The following CCDC7 variants were observed in gnomAD, a reference collection of about 807,000 sequenced individuals.
CCDC7 encodes coiled-coil domain containing 7.
Under a neutral mutation model 196.9 loss-of-function variants are expected in CCDC7, and 183 were observed. That is an observed-to-expected ratio of 0.93 (90% CI 0.82 to 1.05). The LOEUF is 1.05. Ranked by LOEUF, CCDC7 falls within the 50% of genes least tolerant of loss-of-function variation. CCDC7 has a pLI of 0.00. For missense variants in CCDC7, 1,540 were observed against 1,482.2 expected (o/e 1.04, Z -0.64); for synonymous variants, 525 against 484.6 (o/e 1.08, Z -1.10).
chr10:32,479,670 C>T (rs1219255813), intron 8 of CCDC7, among the ~76,000 whole-genome samples: 2 of 152,034 alleles, frequency 1.3e-5, no homozygotes, highest in African/African-American at 4.8e-5. Flanking sequence ...GTTTTCTTTT[C>T]TCATAGCGTC....
intron 28 of CCDC7, among the ~76,000 whole-genome samples, chr10:32,758,294 CA>C (rs1309293193): frequency 1.3e-5 from 2 of 152,026 alleles, no homozygotes; most frequent in Admixed American, 1.3e-4. Flanking sequence ...AGAGACACAA[CA>C]AAAAAAGAGA....
intron 41 of CCDC7, among the ~76,000 whole-genome samples, chr10:32,870,126 G>A (rs897236216): frequency 1.3e-5 from 2 of 152,056 alleles, no homozygotes; most frequent in South Asian, 4.2e-4. Flanking sequence ...TTCCAATTCT[G>A]TGAAGAAAGT....
At chr10:32,587,992 TA>T (rs1224346702) in intron 18 of CCDC7, among the ~76,000 whole-genome samples, 6 of 152,184 alleles carry the variant, frequency 3.9e-5, no homozygotes, top group Admixed American at 3.9e-4. Flanking sequence ...GCCACATGAA[TA>T]AATTAATCCA....
intron 21 of CCDC7, among the ~76,000 whole-genome samples, chr10:32,668,119 CT>C (rs1385922682): frequency 6.6e-6 from 1 of 152,020 alleles, no homozygotes; most frequent in Non-Finnish European, 1.5e-5. Context: ...GTGTTTTATT[CT>C]CTTTGAAGCA....
chr10:32,595,845 G>T (rs2060281205), intron 18 of CCDC7, among the ~76,000 whole-genome samples: 1 of 152,184 alleles, frequency 6.6e-6, no homozygotes, highest in South Asian at 2.1e-4. Context: ...CCGTGTAGTT[G>T]AGTGGTTTTG....
intron 30 of CCDC7, among the ~76,000 whole-genome samples, chr10:32,806,217 A>G (rs2085815224): frequency 6.6e-6 from 1 of 152,208 alleles, no homozygotes; most frequent in Non-Finnish European, 1.5e-5. Flanking sequence ...AAATCACTGA[A>G]GAAATAAATA....
intron 18 of CCDC7, among the ~76,000 whole-genome samples, chr10:32,611,161 C>T (rs2138748165): frequency 6.6e-6 from 1 of 152,334 alleles, no homozygotes. Flanking sequence ...ATTTGCATTT[C>T]TCTAATGACC....
chr10:32,533,246 A>AACAC (rs58119017), intron 11 of CCDC7, among the ~76,000 whole-genome samples: 50,564 of 144,430 alleles, frequency 0.35, 9,559 homozygotes, highest in Non-Finnish European at 0.45. Flanking sequence ...AAACAAAGGA[A>AACAC]ACACACACAC....
chr10:32,583,334 C>T (rs2058923097), intron 17 of CCDC7, 27 bp downstream of exon 18: 1 of 1,193,894 alleles, frequency 8.4e-7, no homozygotes, highest in East Asian at 3.2e-5. Context: ...AACTTGAAAG[C>T]TGTTTATTTC....
intron 8 of CCDC7, among the ~76,000 whole-genome samples, chr10:32,491,063 G>C (rs777651749): frequency 6.6e-6 from 1 of 152,020 alleles, no homozygotes; most frequent in Non-Finnish European, 1.5e-5. Context: ...TGCTTAGGGT[G>C]TTTACTTTTC....
Position 32,518,437 on chromosome 10 carries a change from G to T in CCDC7, c.925G>T (p.Asp309Tyr). 5 of 1,602,950 alleles carry T rather than the reference G, an allele frequency of 3.1e-6. No homozygotes were observed. Among genetic ancestry groups the T allele is most frequent in the Non-Finnish European group, 4.3e-6 (5 of 1,175,422 alleles). The change falls in exon 11 of 42, where the codon GAT becomes TAT. Residue 309 changes from aspartate to tyrosine, a missense_variant. By Grantham distance (160) the Asp-to-Tyr change is radical. Transcript: ENST00000639629. ...TTAGGAATACAAACAGATGCAGTGT[G>T]ATTTTCAGTTGTTATCAGAAGAGAA...
chr10:32,543,259 GT>G, intron 11 of CCDC7, 40 bp from the exon 13 acceptor site: 1 of 1,336,456 alleles, frequency 7.5e-7, no homozygotes, highest in Non-Finnish European at 9.8e-7. Flanking sequence ...AACTTATTGT[GT>G]TTTTAACCCT....
chr10:32,580,579 T>C (rs903350095), intron 16 of CCDC7, among the ~76,000 whole-genome samples: 2 of 152,120 alleles, frequency 1.3e-5, no homozygotes, highest in Admixed American at 6.5e-5. Context: ...TTGTACTGTA[T>C]TACAAACTTC....
chr10:32,769,729 G>A (rs2078880921), intron 28 of CCDC7, among the ~76,000 whole-genome samples: 1 of 151,564 alleles, frequency 6.6e-6, no homozygotes, highest in East Asian at 1.9e-4. Flanking sequence ...AGAACATGCA[G>A]TGTTTGGTTT....
rs538246011 is a variant in CCDC7 at position 32,830,332 on chromosome 10, G to A, written c.3269-4483G>A. On this transcript the variant is annotated intron_variant, in intron 32 of 41. Coordinates refer to ENST00000639629, the Ensembl canonical transcript of CCDC7. Reference sequence around the variant, plus strand: ...AAAAGGTAAACAAGAAATCCATATGGAGGTTTGCTATCTAAAAAGCCCAAT... The same window carrying A: ...AAAAGGTAAACAAGAAATCCATATGAAGGTTTGCTATCTAAAAAGCCCAAT... Among the ~76,000 whole-genome samples the A allele has an allele frequency of 6.7e-5, 10 of 150,226 alleles. No individual in the cohort carries two copies. In the East Asian group the frequency reaches 1.8e-3, roughly 27 times the overall value.
intron 13 of CCDC7, among the ~76,000 whole-genome samples, chr10:32,553,303 T>C (rs1228540411): frequency 6.6e-6 from 1 of 152,120 alleles, no homozygotes; most frequent in East Asian, 1.9e-4. Context: ...TTCTATTTTC[T>C]TGAGTATTTC....
At chr10:32,666,907 G>T (rs1278756120) in intron 21 of CCDC7, among the ~76,000 whole-genome samples, 1 of 152,002 alleles carries the variant, frequency 6.6e-6, no homozygotes, top group Non-Finnish European at 1.5e-5. Context: ...GGGATGGCTG[G>T]GTCAAATGGT....
intron 28 of CCDC7, among the ~76,000 whole-genome samples, chr10:32,769,643 C>A (rs1367228155): frequency 6.6e-6 from 1 of 151,938 alleles, no homozygotes; most frequent in Admixed American, 6.6e-5. Context: ...CCCCCCACCC[C>A]TCAACAGGCC....
intron 18 of CCDC7, among the ~76,000 whole-genome samples, chr10:32,632,179 T>C (rs534445649): frequency 6.6e-6 from 1 of 151,494 alleles, no homozygotes; most frequent in African/African-American, 2.4e-5. Context: ...AGAAACTCCA[T>C]TGTAGTGTTA....
Sources: gnomAD v4.1 joint callset for allele counts (sites outside exome capture counted in the v4.1 genomes callset) on GRCh38, gnomAD v4.1.1 for gene constraint, MANE v1.5 for transcripts, NCBI Gene and HGNC (gene_info 2026-07-23, HGNC 2026-07-21) for gene names.